The following FCHSD2 variants were observed in gnomAD, a reference collection of about 807,000 sequenced individuals.
The protein encoded by FCHSD2 is FCH and double SH3 domains 2.
FCHSD2 carries 38 observed loss-of-function variants against 108.1 expected under a neutral mutation model. The observed-to-expected ratio is 0.35, with a 90% CI of 0.27 to 0.46. The LOEUF (loss-of-function observed/expected upper bound fraction) is 0.46. Among genes scored for constraint, FCHSD2 ranks in the 20% least tolerant of loss-of-function variants. The pLI is 1.00. For missense variants in FCHSD2, 751 were observed against 897.8 expected, an observed-to-expected ratio of 0.84 and a Z score of 2.09; for synonymous variants, 279 against 314.7, an observed-to-expected ratio of 0.89 and a Z score of 1.20.
intron 3 of FCHSD2, among the ~76,000 whole-genome samples, chr11:73,068,813 T>TAAAAAAAAAAAAAAAAA (rs1237723120): frequency 1.2e-5 from 1 of 82,988 alleles, no homozygotes. Context: ...CTACAAAAAG[T>TAAAAAAAAAAAAAAAAA]AAAAAAAAAA....
chr11:72,904,181 T>C (rs967938689), intron 9 of FCHSD2, among the ~76,000 whole-genome samples: 2 of 152,140 alleles, frequency 1.3e-5, no homozygotes, highest in African/African-American at 4.8e-5. Context: ...TGAATAAACA[T>C]ATTCTCAAAG....
intron 3 of FCHSD2, among the ~76,000 whole-genome samples, chr11:73,070,168 G>T (rs991165929): frequency 3.3e-5 from 5 of 152,178 alleles, no homozygotes; most frequent in Non-Finnish European, 7.3e-5. Flanking sequence ...TTCATATAAT[G>T]GTCTATTAAT....
chr11:73,096,187 C>T (rs1307574754), intron 2 of FCHSD2, among the ~76,000 whole-genome samples: 1 of 151,768 alleles, frequency 6.6e-6, no homozygotes, highest in African/African-American at 2.4e-5. Context: ...AAAATGCTGT[C>T]ATGAAAGAGA....
At position 72,842,824 on chromosome 11, in the gene FCHSD2, G is replaced by A; in HGVS notation, c.1723C>T (p.Leu575Phe). 1 of 1,613,820 alleles carries A rather than the reference G, an allele frequency of 6.2e-7. No homozygotes were observed. The highest frequency in any genetic ancestry group is 8.5e-7 in the Non-Finnish European group (1 of 1,179,788). The change falls in exon 17 of 20, where the codon CTT (leucine) becomes TTT (phenylalanine). Residue 575 changes from leucine (L) to phenylalanine (F), a missense_variant. Transcript: ENST00000409418. ...TCTGTCTGGCCCTCATAATCATAAA[G>A]TGCTTTCACAAAACATACTAGGGAG... ...GDASVCFVKA[L>F]YDYEGQTDDE...
chr11:73,003,487 G>GTTTTTT (rs1167160126), intron 4 of FCHSD2, among the ~76,000 whole-genome samples: 1 of 145,806 alleles, frequency 6.9e-6, no homozygotes, highest in African/African-American at 2.7e-5. Context: ...GTCATAGAGT[G>GTTTTTT]ATTTTTTTTT....
intron 10 of FCHSD2, among the ~76,000 whole-genome samples, chr11:72,899,535 C>T (rs958880604): frequency 2.6e-5 from 4 of 151,824 alleles, no homozygotes; most frequent in Non-Finnish European, 5.9e-5. Context: ...GAGTTCAAGG[C>T]CAGCCTAAGC....
At chr11:72,960,683 C>T (rs1423027065) in intron 8 of FCHSD2, among the ~76,000 whole-genome samples, 1 of 152,134 alleles carries the variant, frequency 6.6e-6, no homozygotes, top group Non-Finnish European at 1.5e-5. Flanking sequence ...AAATAGTATC[C>T]ATTCTGTTAG....
intron 2 of FCHSD2, among the ~76,000 whole-genome samples, chr11:73,087,213 A>C (rs1859838857): frequency 6.6e-6 from 1 of 152,242 alleles, no homozygotes; most frequent in Admixed American, 6.5e-5. Context: ...AAAAATTTTA[A>C]AAGTACAAAA....
intron 18 of FCHSD2, 88 bp downstream of exon 18, chr11:72,841,365 GC>G: frequency 2.2e-6 from 1 of 464,808 alleles, no homozygotes; most frequent in Non-Finnish European, 3.2e-6. Context: ...AAAAAAAAAA[GC>G]AAATGCAGTT....
At position 72,867,143 on chromosome 11, in the gene FCHSD2, G is replaced by A. The variant is rs945319793; in HGVS notation, c.1308+722C>T. Among the ~76,000 whole-genome samples, 5 of 152,344 alleles carry A rather than the reference G, an allele frequency of 3.3e-5. No individual in the cohort carries two copies. The South Asian group carries it at 1.0e-3, about 32-fold the overall frequency. ...ATAAATACCATTGAGGAAATAAACA[G>A]GATGACAGAGAGTAATGGGTGGGGA... On this transcript the variant is annotated intron_variant, in intron 13 of 19. Coordinates refer to ENST00000409418, the MANE Select transcript of FCHSD2 (RefSeq NM_014824.3).
At chr11:72,932,846 C>T (rs1164684708) in intron 8 of FCHSD2, among the ~76,000 whole-genome samples, 1 of 152,168 alleles carries the variant, frequency 6.6e-6, no homozygotes, top group Non-Finnish European at 1.5e-5. Flanking sequence ...CAATAAATAT[C>T]TGTTCAACAA....
chr11:72,916,330 G>C (rs1855873774), intron 9 of FCHSD2, among the ~76,000 whole-genome samples: 1 of 126,392 alleles, frequency 7.9e-6, no homozygotes, highest in Non-Finnish European at 1.6e-5. Flanking sequence ...TTTTTAAAGA[G>C]ACAGGGTCTT....
chr11:72,935,751 G>A (rs1288413728), intron 8 of FCHSD2, among the ~76,000 whole-genome samples: 1 of 152,058 alleles, frequency 6.6e-6, no homozygotes, highest in Non-Finnish European at 1.5e-5. Flanking sequence ...TTTTTTATGT[G>A]GTTGTTTTAT....
At chr11:72,979,907 G>A (rs561245359) in intron 8 of FCHSD2, among the ~76,000 whole-genome samples, 28 of 152,096 alleles carry the variant, frequency 1.8e-4, no homozygotes, top group Non-Finnish European at 3.4e-4. Flanking sequence ...TCATAATGAG[G>A]GTTGTTATCA....
At chr11:72,913,303 C>G (rs1158132021) in intron 9 of FCHSD2, among the ~76,000 whole-genome samples, 1 of 152,126 alleles carries the variant, frequency 6.6e-6, no homozygotes, top group African/African-American at 2.4e-5. Flanking sequence ...GAGTCTCAGT[C>G]TGTTGCCCAG....
chr11:73,048,058 A>C (rs551558016), intron 3 of FCHSD2, among the ~76,000 whole-genome samples: 3 of 151,932 alleles, frequency 2.0e-5, no homozygotes, highest in Non-Finnish European at 2.9e-5. Flanking sequence ...TTATTTCTAA[A>C]AAGGCAGGAA....
intron 3 of FCHSD2, among the ~76,000 whole-genome samples, chr11:73,055,915 T>C (rs773330763): frequency 2.0e-5 from 3 of 152,178 alleles, no homozygotes; most frequent in Admixed American, 6.5e-5. Context: ...TTTGGGTTGA[T>C]GAAAATGTTC....
chr11:72,917,027 C>G (rs949142571), intron 9 of FCHSD2, among the ~76,000 whole-genome samples: 2 of 142,546 alleles, frequency 1.4e-5, no homozygotes, highest in Non-Finnish European at 3.0e-5. Context: ...CTCTGTCGCC[C>G]AGGCTGGAGT....
intron 10 of FCHSD2, among the ~76,000 whole-genome samples, chr11:72,894,952 A>G (rs1454795248): frequency 6.6e-6 from 1 of 152,158 alleles, no homozygotes; most frequent in African/African-American, 2.4e-5. Context: ...AAAATCTGGA[A>G]AATTCTGAAT....
Sources: gnomAD v4.1 joint callset for allele counts (sites outside exome capture counted in the v4.1 genomes callset) on GRCh38, gnomAD v4.1.1 for gene constraint, MANE v1.5 for transcripts, NCBI Gene and HGNC (gene_info 2026-07-23, HGNC 2026-07-21) for gene names.